FGGY: variants seen among roughly 807,000 people sequenced by gnomAD.
FGGY encodes FGGY carbohydrate kinase domain containing.
FGGY carries 72 observed loss-of-function variants against 71.3 expected under a neutral mutation model. That is an observed-to-expected ratio of 1.01 (90% CI 0.84 to 1.23). FGGY has a LOEUF of 1.23. Ranked by LOEUF, FGGY falls within the 50% of genes most tolerant of loss-of-function variation. The pLI is 0.00. For missense variants in FGGY, 668 were observed against 682.3 expected (o/e 0.98, Z 0.23); for synonymous variants, 251 against 250.3 (o/e 1.00, Z -0.02).
At chr1:59,376,120 C>T (rs1411208517) in intron 4 of FGGY, among the ~76,000 whole-genome samples, 2 of 152,098 alleles carry the variant, frequency 1.3e-5, no homozygotes, top group Admixed American at 1.3e-4. Flanking sequence ...TGATTCACAT[C>T]GTCTCAAAGG....
At chr1:59,443,602 C>A (rs941478104) in intron 5 of FGGY, among the ~76,000 whole-genome samples, 2 of 152,180 alleles carry the variant, frequency 1.3e-5, no homozygotes, top group African/African-American at 4.8e-5. Flanking sequence ...GCCATTAAGA[C>A]TGAAGAATGT....
chr1:59,374,810 A>G (rs2058356561), intron 4 of FGGY, among the ~76,000 whole-genome samples: 1 of 151,286 alleles, frequency 6.6e-6, no homozygotes, highest in South Asian at 2.1e-4. Flanking sequence ...TCGCAAGAAC[A>G]AAAAACCAAA....
chr1:59,502,893 A>G (rs901254168), intron 6 of FGGY, among the ~76,000 whole-genome samples: 1 of 152,224 alleles, frequency 6.6e-6, no homozygotes, highest in African/African-American at 2.4e-5. Context: ...GACTGGAAGA[A>G]GCTAAAAGAT....
chr1:59,628,336 G>A (rs980286452), intron 10 of FGGY, among the ~76,000 whole-genome samples: 4 of 152,148 alleles, frequency 2.6e-5, no homozygotes, highest in Admixed American at 1.3e-4. Flanking sequence ...GGAAGCATCA[G>A]ACAAACCTAG....
At chr1:59,738,020 A>C (rs796287379) in intron 14 of FGGY, among the ~76,000 whole-genome samples, 13 of 152,326 alleles carry the variant, frequency 8.5e-5, no homozygotes, top group African/African-American at 2.9e-4. Context: ...TACAAAGTAA[A>C]AGAAGAGTCT....
intron 1 of FGGY, among the ~76,000 whole-genome samples, chr1:59,318,104 A>G (rs952142780): frequency 6.6e-6 from 1 of 152,202 alleles, no homozygotes; most frequent in Non-Finnish European, 1.5e-5. Context: ...GGAATGGATT[A>G]CTGTCAATTG....
chr1:59,418,611 T>G (rs1206019421), intron 5 of FGGY, among the ~76,000 whole-genome samples: 1 of 152,172 alleles, frequency 6.6e-6, no homozygotes, highest in Non-Finnish European at 1.5e-5. Flanking sequence ...TGGGGGAAAG[T>G]CATTTATGCT....
At chr1:59,450,113 A>G (rs867465193) in intron 5 of FGGY, among the ~76,000 whole-genome samples, 1 of 152,172 alleles carries the variant, frequency 6.6e-6, no homozygotes, top group Non-Finnish European at 1.5e-5. Context: ...TCTGTCTTCC[A>G]TATATTCTAT....
chr1:59,422,201 T>C (rs544424814), intron 5 of FGGY, among the ~76,000 whole-genome samples: 57 of 152,322 alleles, frequency 3.7e-4, no homozygotes, highest in African/African-American at 1.3e-3. Context: ...TGGGTAGAAA[T>C]AGAATCTAAA....
chr1:59,404,467 G>T (rs1026601669), intron 5 of FGGY, among the ~76,000 whole-genome samples: 1 of 152,180 alleles, frequency 6.6e-6, no homozygotes, highest in Non-Finnish European at 1.5e-5. Flanking sequence ...AAATTATTTA[G>T]TAGGGTATAG....
intron 9 of FGGY, among the ~76,000 whole-genome samples, chr1:59,621,567 T>G (rs1488005438): frequency 1.3e-5 from 2 of 151,822 alleles, no homozygotes; most frequent in Non-Finnish European, 2.9e-5. Flanking sequence ...TTTTATATGC[T>G]GCCTTGAAAG....
At chr1:59,709,797 T>A (rs138458123) in intron 14 of FGGY, among the ~76,000 whole-genome samples, 1 of 152,274 alleles carries the variant, frequency 6.6e-6, no homozygotes, top group African/African-American at 2.4e-5. Context: ...GACAGGAAAG[T>A]CACTCCTTCC....
intron 7 of FGGY, among the ~76,000 whole-genome samples, chr1:59,546,538 T>TGATG (rs1558303817): frequency 6.1e-5 from 8 of 131,754 alleles, no homozygotes; most frequent in Non-Finnish European, 8.7e-5. Flanking sequence ...TGATGATGAT[T>TGATG]ATTATTATTA....
intron 8 of FGGY, among the ~76,000 whole-genome samples, chr1:59,607,453 A>T (rs1461970432): frequency 6.6e-6 from 1 of 152,230 alleles, no homozygotes; most frequent in South Asian, 2.1e-4. Flanking sequence ...ATAGACCCAC[A>T]TCTCAATGTG....
At chr1:59,385,219 A>G (rs1471409392) in intron 5 of FGGY, among the ~76,000 whole-genome samples, 4 of 151,152 alleles carry the variant, frequency 2.6e-5, no homozygotes, top group Non-Finnish European at 5.9e-5. Flanking sequence ...CTCCCCTTTT[A>G]TTGTTCTCAT....
At chr1:59,345,301 A>G (rs2051597055) in intron 3 of FGGY, among the ~76,000 whole-genome samples, 2 of 152,202 alleles carry the variant, frequency 1.3e-5, no homozygotes, top group African/African-American at 4.8e-5. Context: ...CTTTGCCCTA[A>G]TAATCTCTCG....
intron 6 of FGGY, among the ~76,000 whole-genome samples, chr1:59,493,631 G>A (rs1051877267): frequency 1.3e-5 from 2 of 152,140 alleles, no homozygotes; most frequent in East Asian, 3.8e-4. Flanking sequence ...CCAGGGATTT[G>A]GGGGAAGGGG....
intron 8 of FGGY, among the ~76,000 whole-genome samples, chr1:59,561,433 A>T (rs2095791971): frequency 1.3e-5 from 2 of 152,182 alleles, no homozygotes; most frequent in Non-Finnish European, 2.9e-5. Flanking sequence ...TTCAGTGGAC[A>T]ATGAGAGACA....
intron 5 of FGGY, among the ~76,000 whole-genome samples, chr1:59,452,037 C>G (rs1283050057): frequency 6.6e-6 from 1 of 151,604 alleles, no homozygotes; most frequent in Non-Finnish European, 1.5e-5. Flanking sequence ...AATACCTAGC[C>G]CTGTATTCAT....
Sources: allele counts gnomAD v4.1 joint callset (sites outside exome capture counted in the v4.1 genomes callset), GRCh38; gene constraint gnomAD v4.1.1; transcripts MANE v1.5; gene names NCBI Gene and HGNC (gene_info 2026-07-23, HGNC 2026-07-21).